The following FASTKD2 variants were observed in gnomAD, a reference collection of about 807,000 sequenced individuals.
FASTKD2 encodes the protein FAST kinase domain-containing protein 2, mitochondrial.
A neutral mutation model predicts 63.6 loss-of-function variants in FASTKD2; 51 were observed. That is an observed-to-expected ratio of 0.80 (90% CI 0.64 to 1.01). The LOEUF is 1.01. Among genes scored for constraint, FASTKD2 ranks in the 50% least tolerant of loss-of-function variants. FASTKD2 has a pLI of 0.00. For missense variants in FASTKD2, 786 were observed against 831.1 expected (o/e 0.95, Z 0.67); for synonymous variants, 284 against 293.4 (o/e 0.97, Z 0.33).
intron 5 of FASTKD2, 69 bp downstream of exon 5, chr2:206,772,086 T>G: frequency 6.2e-7 from 1 of 1,601,142 alleles, no homozygotes; most frequent in Non-Finnish European, 8.6e-7. Flanking sequence ...TTGTTTTGTT[T>G]TAAAAACTTT....
In FASTKD2 at chr2:206,791,977, T is replaced by C. The variant is rs942784432; in HGVS notation, c.*175T>C. On this transcript the variant is annotated 3_prime_UTR_variant, in exon 12 of 12. Coordinates refer to ENST00000402774, the MANE Select transcript of FASTKD2 (RefSeq NM_001136193.2). The stretch of plus-strand genomic sequence containing the variant: ...ATGTTGTTACTGCCATTTAAAAATA[T>C]GCTGAGAAAATTCCAGAAGGGTTAT... The C allele has an allele frequency of 1.7e-5, 11 of 630,374 alleles. No individual in the cohort carries two copies. The highest frequency in any genetic ancestry group is 2.5e-5 in the Non-Finnish European group (9 of 364,940). 39.0% of individuals were successfully genotyped at this position (630,374 alleles called of 1,614,324 possible).
chr2:206,770,571 A>G (rs771989764), intron 3 of FASTKD2, among the ~76,000 whole-genome samples: 1 of 152,072 alleles, frequency 6.6e-6, no homozygotes, highest in African/African-American at 2.4e-5. Context: ...CTCTACTAAA[A>G]ATACAAAAAT....
In FASTKD2 at chr2:206,792,327, T is replaced by C. The variant is rs1690307611; in HGVS notation, c.*525T>C. 1 of 166,790 alleles carries C rather than the reference T, an allele frequency of 6.0e-6. No homozygotes were observed. The highest frequency in any genetic ancestry group is 2.4e-5 in the African/African-American group (1 of 41,526). The allele number at this position is 166,790 out of a possible 1,614,324, so 10.3% of individuals were successfully genotyped here. A position where few individuals can be genotyped will look rare whatever the true frequency, so the allele number is the denominator to read the frequency against. ...GTGAGGATGGTATTTGTATTTGTAA[T>C]AAGCACTGCAGGTAGAGATATTTCA... On this transcript the variant is annotated 3_prime_UTR_variant, in exon 12 of 12. Coordinates refer to ENST00000402774, the MANE Select transcript of FASTKD2 (RefSeq NM_001136193.2).
chr2:206,774,461 A>G (rs895724059), intron 7 of FASTKD2, 64 bp downstream of exon 7: 22 of 1,054,240 alleles, frequency 2.1e-5, no homozygotes, highest in Non-Finnish European at 2.6e-5. Context: ...GTTATAAATC[A>G]TAAGCTTAAT....
At chr2:206,790,199 T>C (rs1212516283) in intron 10 of FASTKD2, 3 of 190,792 alleles carry the variant, frequency 1.6e-5, no homozygotes, top group African/African-American at 7.0e-5. Flanking sequence ...CATTTACTAT[T>C]TGGTATTATT....
At position 206,767,344 on chromosome 2, in the gene FASTKD2, T is replaced by A; in HGVS notation, c.651T>A (p.Cys217Ter). The A allele has an allele frequency of 1.2e-6, 2 of 1,614,154 alleles. No individual in the cohort carries two copies. Among genetic ancestry groups the A allele is most frequent in the Non-Finnish European group, 1.7e-6 (2 of 1,180,026 alleles). The change falls in exon 2 of 12, where the codon TGT becomes TGA. Residue 217 changes from cysteine (C) to a stop codon, truncating the protein, a stop_gained. Transcript: ENST00000402774. LOFTEE classifies it high-confidence loss of function. ...MFSHPAFNQLCEHMMREAKIM... is the reference protein window; with the variant it reads ...MFSHPAFNQL ...GCCACCCTGCATTTAATCAGCTCTG[T>A]GAACATATGATGAGAGAAGCCAAGA...
intron 2 of FASTKD2, among the ~76,000 whole-genome samples, chr2:206,768,329 T>A (rs1325176552): frequency 1.3e-5 from 2 of 152,156 alleles, no homozygotes; most frequent in East Asian, 3.9e-4. Flanking sequence ...GTGCCAAATG[T>A]AAGGAAGGAA....
chr2:206,771,294 A>G lies in FASTKD2; in HGVS notation c.990+4A>G. ...TGCTCTTAAGAGGAAACTGGAGGTA[A>G]ACACATGAATTTTCTCTAGTGGATG... is the stretch of plus-strand genomic sequence containing the variant. On this transcript the variant is annotated splice_donor_region_variant and intron_variant, in intron 4 of 11. Transcript: ENST00000402774. The G allele has an allele frequency of 6.5e-7, 1 of 1,536,094 alleles. No homozygotes were observed. The highest frequency in any genetic ancestry group is 1.4e-5 in the African/African-American group (1 of 73,490).
At chr2:206,776,375 T>C (rs1689825543) in intron 7 of FASTKD2, among the ~76,000 whole-genome samples, 1 of 151,984 alleles carries the variant, frequency 6.6e-6, no homozygotes, top group African/African-American at 2.4e-5. Context: ...TAGTTTGATA[T>C]AGTTCTCCTT....
At chr2:206,785,713 A>G (rs1690121291) in intron 7 of FASTKD2, among the ~76,000 whole-genome samples, 1 of 152,178 alleles carries the variant, frequency 6.6e-6, no homozygotes, top group Non-Finnish European at 1.5e-5. Flanking sequence ...TATTGCGTAT[A>G]TGATCTGTTA....
Position 206,786,826 on chromosome 2 carries a change from G to A in FASTKD2, c.1521G>A (p.Leu507=). Residue 507 remains leucine, a synonymous_variant, in exon 8 of 12, where the codon TTG becomes TTA. Transcript: ENST00000402774. ...NLLDAVYSFC[L]MNYFPLAPFN... is the part of the protein sequence containing the mutation. ...TGGATGCAGTATATTCATTTTGCTT[G>A]ATGAATTACTTTCCCCTGGCTCCTT... 2.5e-6 allele frequency: 4 copies of A among 1,611,054 alleles called. No homozygotes were observed. Among genetic ancestry groups the A allele is most frequent in the Non-Finnish European group, 3.4e-6 (4 of 1,177,840 alleles).
At chr2:206,777,010 T>C (rs1288955589) in intron 7 of FASTKD2, among the ~76,000 whole-genome samples, 1 of 139,572 alleles carries the variant, frequency 7.2e-6, no homozygotes, top group African/African-American at 2.6e-5. Context: ...AGTCTTTCAC[T>C]TCCTTAAGTT....
chr2:206,768,941 T>C (rs1203462403), intron 2 of FASTKD2, among the ~76,000 whole-genome samples: 2 of 152,236 alleles, frequency 1.3e-5, no homozygotes, highest in African/African-American at 2.4e-5. Context: ...TTAGTTCCTA[T>C]GTAGTTATTT....
chr2:206,788,264 C>G (rs949057929), intron 9 of FASTKD2, 109 bp downstream of exon 9: 1 of 707,014 alleles, frequency 1.4e-6, no homozygotes, highest in Non-Finnish European at 2.4e-6. Context: ...GCAGCATTGC[C>G]TCTGGAACTG....
chr2:206,786,213 G>A (rs150390604), intron 7 of FASTKD2, among the ~76,000 whole-genome samples: 83 of 152,232 alleles, frequency 5.5e-4, no homozygotes, highest in African/African-American at 1.9e-3. Flanking sequence ...GCTTAACCAC[G>A]TTATACTGTG....
At chr2:206,766,550 G>C in intron 1 of FASTKD2, 94 bp from the exon 2 acceptor site, 1 of 751,902 alleles carries the variant, frequency 1.3e-6, no homozygotes, top group Non-Finnish European at 2.3e-6. Flanking sequence ...GGCTCCATAG[G>C]TTCCCCATTT....
intron 7 of FASTKD2, among the ~76,000 whole-genome samples, chr2:206,782,863 G>A (rs1238389210): frequency 6.6e-6 from 1 of 152,072 alleles, no homozygotes; most frequent in African/African-American, 2.4e-5. Flanking sequence ...TTATGACAAT[G>A]CCCAGCACAT....
chr2:206,781,304 ATTTTTTTTTTTT>A lies in FASTKD2; in HGVS notation c.1428-5413_1428-5402del, dbSNP rs71034473. On this transcript the variant is annotated intron_variant, in intron 7 of 11. Coordinates refer to ENST00000402774, the MANE Select transcript of FASTKD2 (RefSeq NM_001136193.2). Reference sequence around the variant, plus strand: ...GGGGGCCTCTTAAACTTTTTCTATGATTTTTTTTTTTTTTTTTTTTTTTTTTTGAGACAGAGT... The same window carrying A: ...GGGGGCCTCTTAAACTTTTTCTATGATTTTTTTTTTTTTTTGAGACAGAGT... Among the ~76,000 whole-genome samples the A allele has an allele frequency of 0.01, 776 of 75,958 alleles. 24 individuals are homozygous for A. The East Asian group carries it at 0.18, about 18-fold the overall frequency. The allele number at this position is 75,958 out of a possible 152,430, so 49.8% of individuals were successfully genotyped here. A position where few individuals can be genotyped will look rare whatever the true frequency, so the allele number is the denominator to read the frequency against.
At position 206,782,279 on chromosome 2, in the gene FASTKD2, T is replaced by C. The variant is rs80271660; in HGVS notation, c.1428-4454T>C. ...GGGGCTGACCTGGGTAAAATGTTCT[T>C]CTTGCCTGTTTCAGTGCAACTCTTC... On this transcript the variant is annotated intron_variant, in intron 7 of 11. Transcript: ENST00000402774. Among the ~76,000 whole-genome samples the C allele has an allele frequency of 2.9e-4, 44 of 152,338 alleles. No homozygotes were observed. In the East Asian group the frequency reaches 8.5e-3, roughly 29 times the overall value.
Sources: gnomAD v4.1 joint callset for allele counts (sites outside exome capture counted in the v4.1 genomes callset) on GRCh38, gnomAD v4.1.1 for gene constraint, MANE v1.5 for transcripts, NCBI Gene and HGNC (gene_info 2026-07-23, HGNC 2026-07-21) for gene names.